Variants in NGLY1 observed in about 807,000 individuals in gnomAD.
The protein encoded by NGLY1 is N-glycanase 1.
Under a neutral mutation model 84.6 loss-of-function variants are expected in NGLY1, and 68 were observed. That is an observed-to-expected ratio of 0.80 (90% CI 0.66 to 0.98). NGLY1 has a LOEUF of 0.98. Among genes scored for constraint, NGLY1 ranks in the 50% least tolerant of loss-of-function variants. The pLI is 0.00. For missense variants in NGLY1, 779 were observed against 770.2 expected (o/e 1.01, Z -0.14); for synonymous variants, 280 against 275.2 (o/e 1.02, Z -0.17).
chr3:25,755,392 TC>T, intron 3 of NGLY1: 2 of 1,395,074 alleles, frequency 1.4e-6, no homozygotes, highest in Non-Finnish European at 1.0e-6. Flanking sequence ...AACCTACCAC[TC>T]CTACTATAGT....
At chr3:25,720,613 G>T (rs965998045) in intron 10 of NGLY1, among the ~76,000 whole-genome samples, 3 of 152,096 alleles carry the variant, frequency 2.0e-5, no homozygotes, top group Non-Finnish European at 4.4e-5. Flanking sequence ...GTGTGACATG[G>T]TATGCTATAG....
exon 1 of NGLY1, chr3:25,789,951 G>A (rs902373922): frequency 6.0e-6 from 9 of 1,501,098 alleles, no homozygotes; most frequent in Non-Finnish European, 8.2e-6. Flanking sequence ...CTACCCAGCC[G>A]CCTCCCACGG....
intron 7 of NGLY1, chr3:25,735,666 C>T: frequency 5.8e-6 from 1 of 172,746 alleles, no homozygotes; most frequent in Non-Finnish European, 1.2e-5. Flanking sequence ...TATAATGCAG[C>T]CATTCTACTC....
intron 3 of NGLY1, chr3:25,755,553 C>A: frequency 7.0e-7 from 1 of 1,419,224 alleles, no homozygotes; most frequent in Non-Finnish European, 1.0e-6. Flanking sequence ...TCCAACTAAT[C>A]CCTCAATGAT....
At position 25,724,376 on chromosome 3, in the gene NGLY1, G is replaced by A. The variant is rs141885557; in HGVS notation, c.1612-4185C>T. ...AATCTCAAATTGTTGCTGGTAAACC[G>A]GTACTTGCAATGAGTCTTGTTTTTG... is the stretch of plus-strand genomic sequence containing the variant. On this transcript the variant is annotated intron_variant, in intron 10 of 11. Coordinates refer to ENST00000280700, the MANE Select transcript of NGLY1 (RefSeq NM_018297.4). Among the ~76,000 whole-genome samples, 25 of 152,246 alleles carry A rather than the reference G, an allele frequency of 1.6e-4. No individual in the cohort carries two copies. In the Middle Eastern group the frequency reaches 0.01, roughly 62 times the overall value.
chr3:25,733,840 C>A, intron 8 of NGLY1, 32 bp downstream of exon 8: 1 of 1,488,188 alleles, frequency 6.7e-7, no homozygotes, highest in South Asian at 1.2e-5. Flanking sequence ...AAAATGTCAA[C>A]TGTTCTTTCA....
chr3:25,740,264 T>C (rs1366981246), intron 4 of NGLY1, among the ~76,000 whole-genome samples: 1 of 152,198 alleles, frequency 6.6e-6, no homozygotes, highest in African/African-American at 2.4e-5. Flanking sequence ...AATCATCCTA[T>C]TAGCCTTTCT....
intron 10 of NGLY1, among the ~76,000 whole-genome samples, chr3:25,722,242 T>A (rs2125446827): frequency 6.8e-6 from 1 of 147,090 alleles, no homozygotes; most frequent in East Asian, 2.0e-4. Context: ...ATAAAAACAT[T>A]TAGTAAATAT....
intron 2 of NGLY1, among the ~76,000 whole-genome samples, chr3:25,770,106 T>A (rs1019772703): frequency 6.6e-6 from 1 of 152,166 alleles, no homozygotes; most frequent in Non-Finnish European, 1.5e-5. Context: ...TTGCTGCAAA[T>A]GCCATTATTT....
At chr3:25,723,779 T>A (rs1705124405) in intron 10 of NGLY1, among the ~76,000 whole-genome samples, 1 of 152,230 alleles carries the variant, frequency 6.6e-6, no homozygotes, top group Admixed American at 6.5e-5. Flanking sequence ...TTGTGTGCAT[T>A]CTGTAAGCTC....
chr3:25,742,935 A>C lies in NGLY1; in HGVS notation c.659-3136T>G, dbSNP rs548811179. ...AGGTCTTTGCAGATATTATAAAGTTAAGGATCTCTAGATGGGGAGATTATC... is the reference window on the plus strand; with the variant it reads ...AGGTCTTTGCAGATATTATAAAGTTCAGGATCTCTAGATGGGGAGATTATC... On this transcript the variant is annotated intron_variant, in intron 4 of 11. Coordinates refer to ENST00000280700, the MANE Select transcript of NGLY1 (RefSeq NM_018297.4). Among the ~76,000 whole-genome samples, 42 of 151,666 alleles carry C rather than the reference A, an allele frequency of 2.8e-4. No individual in the cohort carries two copies. In the South Asian group the frequency reaches 3.6e-3, roughly 13 times the overall value.
At position 25,763,700 on chromosome 3, in the gene NGLY1, G is replaced by C. The variant is rs151170499; in HGVS notation, c.492+366C>G. 3.9e-3 allele frequency among the ~76,000 whole-genome samples: 587 copies of C among 152,232 alleles called. 4 individuals carry two copies. The highest frequency in any genetic ancestry group is 0.013 in the African/African-American group (560 of 41,546). ...CTTTAGTTCTTCACAAGTATATATGGTGTATATTAATAATAAAATTTCACT... is the reference window on the plus strand; with the variant it reads ...CTTTAGTTCTTCACAAGTATATATGCTGTATATTAATAATAAAATTTCACT... On this transcript the variant is annotated intron_variant, in intron 3 of 11. Coordinates refer to ENST00000280700, the MANE Select transcript of NGLY1 (RefSeq NM_018297.4).
intron 3 of NGLY1, among the ~76,000 whole-genome samples, chr3:25,753,286 A>T (rs1239607447): frequency 1.3e-5 from 2 of 152,208 alleles, no homozygotes; most frequent in Non-Finnish European, 1.5e-5. Flanking sequence ...GATTAGGAAC[A>T]CAGAATTCAT....
chr3:25,737,462 T>C lies in NGLY1; in HGVS notation c.882-7A>G. 1 of 1,578,976 alleles carries C rather than the reference T, an allele frequency of 6.3e-7. No homozygotes were observed. Among genetic ancestry groups the C allele is most frequent in the South Asian group, 1.2e-5 (1 of 86,920 alleles). On this transcript the variant is annotated splice_region_variant and splice_polypyrimidine_tract_variant and intron_variant, in intron 5 of 11. Coordinates refer to ENST00000280700, the MANE Select transcript of NGLY1 (RefSeq NM_018297.4). ...TTTCTCAGGGTTATTATATCTGGTTTAAAAAGAAAAAAAACCTTAATTATC... is the reference window on the plus strand; with the variant it reads ...TTTCTCAGGGTTATTATATCTGGTTCAAAAAGAAAAAAAACCTTAATTATC...
chr3:25,767,743 G>A (rs1707660647), intron 2 of NGLY1, among the ~76,000 whole-genome samples: 1 of 152,172 alleles, frequency 6.6e-6, no homozygotes, highest in Non-Finnish European at 1.5e-5. Context: ...CACCATGCTG[G>A]GAAAGTTAGA....
At chr3:25,788,304 A>G (rs1475218561), upstream of NGLY1, among the ~76,000 whole-genome samples, 1 of 152,212 alleles carries the variant, frequency 6.6e-6, no homozygotes, top group Non-Finnish European at 1.5e-5. Flanking sequence ...TGGGAGCCAT[A>G]ATTGGAAAGA....
intron 10 of NGLY1, among the ~76,000 whole-genome samples, chr3:25,726,954 G>A (rs770418915): frequency 1.1e-4 from 17 of 152,130 alleles, no homozygotes; most frequent in Non-Finnish European, 2.4e-4. Context: ...ATACCTCTTT[G>A]AGAGGTAAAG....
At position 25,755,299 on chromosome 3, in the gene NGLY1, C is replaced by T; in HGVS notation, c.493-4036G>A. The T allele has an allele frequency of 8.1e-6, 11 of 1,364,438 alleles. No individual in the cohort carries two copies. In the South Asian group the frequency reaches 1.3e-4, roughly 16 times the overall value. 84.5% of individuals were successfully genotyped at this position (1,364,438 alleles called of 1,614,324 possible). A position where few individuals can be genotyped will look rare whatever the true frequency, so the allele number is the denominator to read the frequency against. ...ATAGATACTGCTTAACAGCTCCAAA[C>T]TATAGGCTGAAGTCCTTAATTAAAA... On this transcript the variant is annotated intron_variant, in intron 3 of 11. Transcript: ENST00000280700.
chr3:25,764,214 C>T lies in NGLY1; in HGVS notation c.344G>A (p.Gly115Asp). ...IAIERSSRLD[G>D]SNKSHKVKSS... The stretch of plus-strand genomic sequence containing the variant: ...CTTTACTTTGTGGCTCTTATTTGAG[C>T]CATCCAGTCTGCTACTTCTCTCTAT... The change falls in exon 3 of 12, where the codon GGC becomes GAC. Residue 115 changes from glycine (G) to aspartate (D), a missense_variant. Coordinates refer to ENST00000280700, the MANE Select transcript of NGLY1 (RefSeq NM_018297.4). 1.2e-6 allele frequency: 2 copies of T among 1,614,046 alleles called. No homozygotes were observed. Among genetic ancestry groups the T allele is most frequent in the Non-Finnish European group, 1.7e-6 (2 of 1,180,022 alleles).
Sources: gnomAD v4.1 joint callset for allele counts (sites outside exome capture counted in the v4.1 genomes callset) on GRCh38, gnomAD v4.1.1 for gene constraint, MANE v1.5 for transcripts, NCBI Gene and HGNC (gene_info 2026-07-23, HGNC 2026-07-21) for gene names.